The following PTGER3 variants were observed in gnomAD, a reference collection of about 807,000 sequenced individuals.
PTGER3 encodes the protein prostaglandin E receptor 3.
A neutral mutation model predicts 34.7 loss-of-function variants in PTGER3; 22 were observed. The observed-to-expected ratio is 0.63, with a 90% CI of 0.45 to 0.91. The LOEUF is 0.91. PTGER3 is among the 40% of genes least tolerant of loss of function. The probability of loss-of-function intolerance (pLI) is 0.00; values close to 1 mark genes in which losing one functional copy is unlikely to be tolerated. For missense variants in PTGER3, 468 were observed against 519.4 expected, an observed-to-expected ratio of 0.90 and a Z score of 0.96; for synonymous variants, 241 against 230.1, an observed-to-expected ratio of 1.05 and a Z score of -0.43.
At chr1:70,914,781 A>G (rs1647137380) in intron 4 of PTGER3, among the ~76,000 whole-genome samples, 2 of 152,080 alleles carry the variant, frequency 1.3e-5, no homozygotes, top group South Asian at 4.1e-4. Context: ...ATTTATATCA[A>G]GTAGATGGGA....
intron 4 of PTGER3, among the ~76,000 whole-genome samples, chr1:70,882,573 C>T (rs1487974631): frequency 6.6e-6 from 1 of 152,214 alleles, no homozygotes; most frequent in Non-Finnish European, 1.5e-5. Context: ...TGCTGGTCTG[C>T]TTTGGGGCCA....
intron 4 of PTGER3, among the ~76,000 whole-genome samples, chr1:70,858,870 C>A (rs1265496818): frequency 6.6e-6 from 1 of 152,100 alleles, no homozygotes; most frequent in African/African-American, 2.4e-5. Flanking sequence ...TTATTTATTG[C>A]AAAATGCTAT....
chr1:70,895,337 G>C (rs367711871), intron 4 of PTGER3, among the ~76,000 whole-genome samples: 1 of 152,172 alleles, frequency 6.6e-6, no homozygotes, highest in Non-Finnish European at 1.5e-5. Flanking sequence ...GCTTCATGTG[G>C]TTAGTATTCT....
chr1:71,021,562 A>C lies in PTGER3; in HGVS notation c.898-9078T>G, dbSNP rs147554342. Among the ~76,000 whole-genome samples the C allele has an allele frequency of 4.8e-3, 724 of 149,834 alleles. 23 individuals carry two copies. The highest frequency in any genetic ancestry group is 0.017 in the African/African-American group (672 of 39,208). ...ACCTATATTTCAGATGTCAAAAGAA[A>C]GTCTAGATAATATGTCATTGTCAAG... On this transcript the variant is annotated intron_variant, in intron 1 of 3. Transcript: ENST00000306666.
intron 4 of PTGER3, among the ~76,000 whole-genome samples, chr1:70,864,653 G>T (rs1033736131): frequency 2.0e-5 from 3 of 152,198 alleles, no homozygotes; most frequent in Non-Finnish European, 4.4e-5. Flanking sequence ...CTCAAATCGA[G>T]ATGCTCACAG....
At chr1:70,863,331 C>A (rs928003291) in intron 4 of PTGER3, among the ~76,000 whole-genome samples, 1 of 152,062 alleles carries the variant, frequency 6.6e-6, no homozygotes, top group Non-Finnish European at 1.5e-5. Context: ...TACTAAGCAT[C>A]CTTAGGGTGC....
At chr1:71,031,533 A>G (rs556295311) in intron 1 of PTGER3, among the ~76,000 whole-genome samples, 3 of 152,204 alleles carry the variant, frequency 2.0e-5, no homozygotes, top group Admixed American at 6.5e-5. Flanking sequence ...CCCAAGCTAC[A>G]GCAGTCAGGC....
intron 4 of PTGER3, among the ~76,000 whole-genome samples, chr1:70,912,107 C>T (rs1407011313): frequency 6.6e-6 from 1 of 152,092 alleles, no homozygotes; most frequent in Non-Finnish European, 1.5e-5. Flanking sequence ...GATCAAAGAA[C>T]TCGAAGTTAT....
chr1:70,892,149 G>A (rs1395320812), intron 4 of PTGER3, among the ~76,000 whole-genome samples: 1 of 152,138 alleles, frequency 6.6e-6, no homozygotes, highest in Non-Finnish European at 1.5e-5. Context: ...GGAGTTTCAG[G>A]GGGAAAGAAA....
At chr1:71,033,019 G>A (rs1446025019) in intron 1 of PTGER3, among the ~76,000 whole-genome samples, 1 of 152,138 alleles carries the variant, frequency 6.6e-6, no homozygotes, top group Non-Finnish European at 1.5e-5. Flanking sequence ...GTGTCTCTGT[G>A]TGACTGTTCT....
At chr1:70,946,900 C>T (rs913542891) in intron 4 of PTGER3, among the ~76,000 whole-genome samples, 6 of 152,008 alleles carry the variant, frequency 3.9e-5, no homozygotes, top group Admixed American at 2.0e-4. Context: ...GTTGATTTGC[C>T]CCTGCTTGTC....
In PTGER3 at chr1:70,878,911, T is replaced by C. The variant is rs1388864278; in HGVS notation, c.*24-26052A>G. On this transcript the variant is annotated intron_variant, in intron 4 of 4. Transcript: ENST00000370931. ...TCCTATTGAGTGGTTGATTTTAGAGTATGTGCTATGTGCAGATAGGAAAAA... is the reference window on the plus strand; with the variant it reads ...TCCTATTGAGTGGTTGATTTTAGAGCATGTGCTATGTGCAGATAGGAAAAA... Among the ~76,000 whole-genome samples, 4 of 152,204 alleles carry C rather than the reference T, an allele frequency of 2.6e-5. No homozygotes were observed. In the South Asian group the frequency reaches 8.3e-4, roughly 32 times the overall value.
chr1:71,004,600 T>A (rs887339603), intron 2 of PTGER3, among the ~76,000 whole-genome samples: 1 of 152,246 alleles, frequency 6.6e-6, no homozygotes, highest in African/African-American at 2.4e-5. Flanking sequence ...TGGAAATGTG[T>A]ACTTAAAGAT....
chr1:71,047,241 C>G lies in PTGER3; in HGVS notation c.337G>C (p.Val113Leu). ...QLLTTPVVIVVYLSKQRWEHI... is the reference protein window; with the variant it reads ...QLLTTPVVIVLYLSKQRWEHI... ...TCCCAACGCTGCTTGGACAGGTACA[C>G]GACGATGACGACCGGGGTGGTGAGA... Residue 113 changes from valine to leucine, a missense_variant, in exon 1 of 4, where the codon GTG becomes CTG. Around this residue, in one of 5 missense-constraint regions of PTGER3, gnomAD observed 53 missense variants for 93.9 expected, o/e 0.56. Coordinates refer to ENST00000306666, the MANE Select transcript of PTGER3 (RefSeq NM_198719.2). 2 of 1,594,552 alleles carry G rather than the reference C, an allele frequency of 1.3e-6. No individual in the cohort carries two copies. Among genetic ancestry groups the G allele is most frequent in the South Asian group, 1.1e-5 (1 of 88,452 alleles).
chr1:70,855,524 ATTAG>A (rs1645782404), intron 4 of PTGER3, among the ~76,000 whole-genome samples: 2 of 152,286 alleles, frequency 1.3e-5, no homozygotes, highest in South Asian at 2.1e-4. Context: ...AAATAAATAA[ATTAG>A]TTCTGTGAAC....
intron 4 of PTGER3, among the ~76,000 whole-genome samples, chr1:70,870,465 C>T (rs1328524422): frequency 1.3e-5 from 2 of 152,246 alleles, no homozygotes; most frequent in Non-Finnish European, 2.9e-5. Flanking sequence ...GGTTTCTCTG[C>T]AGGCTGCTTG....
intron 2 of PTGER3, among the ~76,000 whole-genome samples, chr1:70,956,007 A>T (rs1051573283): frequency 3.3e-5 from 5 of 152,132 alleles, no homozygotes; most frequent in African/African-American, 9.7e-5. Context: ...TTCCAACTTC[A>T]CTGTAGAGGA....
At chr1:71,044,273 C>A (rs1660562973) in intron 1 of PTGER3, among the ~76,000 whole-genome samples, 2 of 151,458 alleles carry the variant, frequency 1.3e-5, no homozygotes, top group South Asian at 4.2e-4. Flanking sequence ...CCCATCTCTA[C>A]TAAAAATACA....
intron 4 of PTGER3, among the ~76,000 whole-genome samples, chr1:70,914,668 TGCA>T (rs1224379079): frequency 2.8e-4 from 43 of 151,978 alleles, no homozygotes; most frequent in Non-Finnish European, 4.9e-4. Flanking sequence ...TCAACTGAGG[TGCA>T]ATACCTAGAG....
Sources: allele counts gnomAD v4.1 joint callset (sites outside exome capture counted in the v4.1 genomes callset), GRCh38; gene constraint gnomAD v4.1.1; regional missense constraint gnomAD v4.1.1; transcripts MANE v1.5; gene names NCBI Gene and HGNC (gene_info 2026-07-23, HGNC 2026-07-21).